The following UQCC6 variants were observed in gnomAD, a reference collection of about 807,000 sequenced individuals.
UQCC6 encodes the protein ubiquinol-cytochrome c reductase complex assembly factor 6, also known as protein BRAWNIN.
At chr12:103,955,545 G>T in the UQCC6 span, among the ~76,000 whole-genome samples, 1 of 151,914 alleles carries the variant, frequency 6.6e-6, no homozygotes, top group South Asian at 2.1e-4. Flanking sequence ...GAGGCAGGAG[G>T]ACTGATTGAA....
At chr12:103,957,076 A>G in the UQCC6 span, 1 of 321,226 alleles carries the variant, frequency 3.1e-6, no homozygotes, top group Non-Finnish European at 6.0e-6. Context: ...TACCTCTTGG[A>G]GGAGAGGAAC....
the UQCC6 span, chr12:103,954,645 T>G: frequency 2.8e-6 from 1 of 361,516 alleles, no homozygotes; most frequent in Non-Finnish European, 5.0e-6. Flanking sequence ...GGCGTGAAAT[T>G]TGGAGGAGAC....
the UQCC6 span, among the ~76,000 whole-genome samples, chr12:103,961,108 G>T: frequency 3.3e-5 from 5 of 151,772 alleles, no homozygotes. Context: ...TGATACTGAC[G>T]ATCTTGACCC....
the UQCC6 span, chr12:103,951,545 G>T: frequency 6.5e-7 from 1 of 1,543,192 alleles, no homozygotes; most frequent in South Asian, 1.2e-5. Context: ...CTCCTGTTGA[G>T]AAACTTGAGG....
chr12:103,952,170 T>C, the UQCC6 span, among the ~76,000 whole-genome samples: 6,013 of 152,226 alleles, frequency 0.04, 420 homozygotes, highest in African/African-American at 0.14. Context: ...CCCATACTTA[T>C]TAGCAGTCAC....
chr12:103,953,462 A>G, the UQCC6 span: 2 of 702,382 alleles, frequency 2.8e-6, no homozygotes, highest in South Asian at 3.0e-5. Flanking sequence ...CTAGGCAGTC[A>G]TCATGGTCTC....
the UQCC6 span, chr12:103,950,750 A>C: frequency 2.6e-5 from 4 of 152,224 alleles, no homozygotes; most frequent in Admixed American, 2.6e-4. Flanking sequence ...TTTTTACCCA[A>C]GGTAAATTTT....
chr12:103,957,000 G>T, the UQCC6 span: 1 of 492,864 alleles, frequency 2.0e-6, no homozygotes, highest in Non-Finnish European at 3.7e-6. Flanking sequence ...CCTGCGTGCG[G>T]CATTAAAGGG....
the UQCC6 span, among the ~76,000 whole-genome samples, chr12:103,963,174 A>C: frequency 6.6e-6 from 1 of 151,852 alleles, no homozygotes; most frequent in Admixed American, 6.6e-5. Context: ...CCTGGGTTCA[A>C]GCGATTCTCC....
At chr12:103,953,702 C>G in the UQCC6 span, 1 of 647,016 alleles carries the variant, frequency 1.5e-6, no homozygotes, top group Non-Finnish European at 2.8e-6. Context: ...AATGTCACCA[C>G]CCAATCAAAC....
the UQCC6 span, chr12:103,955,050 C>T: frequency 5.9e-6 from 4 of 674,718 alleles, no homozygotes; most frequent in African/African-American, 7.1e-5. Context: ...CACAGTGGCT[C>T]ATGCCTGTAA....
the UQCC6 span, among the ~76,000 whole-genome samples, chr12:103,960,574 GA>G: frequency 5.9e-4 from 89 of 151,814 alleles, no homozygotes; most frequent in Non-Finnish European, 8.2e-4. Context: ...TTTATATGTG[GA>G]AAAAAACACA....
the UQCC6 span, among the ~76,000 whole-genome samples, chr12:103,954,120 T>C: frequency 1.3e-5 from 2 of 152,248 alleles, no homozygotes; most frequent in Non-Finnish European, 2.9e-5. Flanking sequence ...AGCTATATTA[T>C]GAAATACTAT....
the UQCC6 span, chr12:103,950,583 A>G: frequency 0.9 from 137,535 of 152,280 alleles, 62,180 homozygotes; most frequent in East Asian, 1. Context: ...CATGCTTGAT[A>G]CTAGGGCAAC....
At chr12:103,965,012 C>G in the UQCC6 span, among the ~76,000 whole-genome samples, 20,974 of 152,226 alleles carry the variant, frequency 0.14, 1,593 homozygotes, top group Admixed American at 0.2. Context: ...ACTTCTGTGG[C>G]TGTAAACCAC....
the UQCC6 span, chr12:103,951,609 TTGG>T: frequency 6.5e-7 from 1 of 1,541,478 alleles, no homozygotes; most frequent in South Asian, 1.2e-5. Flanking sequence ...TCTCCACGCT[TTGG>T]TGGAATTTCA....
chr12:103,956,659 A>C, the UQCC6 span: 1 of 1,551,606 alleles, frequency 6.4e-7, no homozygotes, highest in South Asian at 1.2e-5. Flanking sequence ...CCTGTGCACC[A>C]CTTCTGCCCC....
chr12:103,962,179 TTTC>T, the UQCC6 span, among the ~76,000 whole-genome samples: 1 of 152,234 alleles, frequency 6.6e-6, no homozygotes, highest in South Asian at 2.1e-4. Context: ...ACTGAGTTGT[TTTC>T]TTATGGGTTT....
the UQCC6 span, chr12:103,956,380 GCAGCGGCCAGA>G: frequency 2.7e-6 from 1 of 375,180 alleles, no homozygotes; most frequent in Non-Finnish European, 4.9e-6. Context: ...CCACAGGTAG[GCAGCGGCCAGA>G]CTGTGTAAGA....
Sources: allele counts gnomAD v4.1 joint callset (sites outside exome capture counted in the v4.1 genomes callset), GRCh38; gene constraint gnomAD v4.1.1; transcripts MANE v1.5; gene names NCBI Gene and HGNC (gene_info 2026-07-23, HGNC 2026-07-21).